PLCG2: variants seen among roughly 807,000 people sequenced by gnomAD.
PLCG2 encodes the protein phospholipase C gamma 2, also known as 1-phosphatidylinositol 4,5-bisphosphate phosphodiesterase gamma-2.
PLCG2 carries 69 observed loss-of-function variants against 175.6 expected under a neutral mutation model. The ratio of observed to expected loss-of-function variants is 0.39; its 90% CI spans 0.32 to 0.48. The LOEUF (loss-of-function observed/expected upper bound fraction) is 0.48, where lower values mean the gene tolerates loss of function less well. Ranked by LOEUF, PLCG2 falls within the 20% of genes least tolerant of loss-of-function variation. The pLI, the probability that PLCG2 is intolerant of heterozygous loss-of-function variation, is 0.91. For missense variants in PLCG2, 1,798 were observed against 1,650.9 expected (o/e 1.09, Z -1.54); for synonymous variants, 827 against 624.0 (o/e 1.33, Z -4.85).
At chr16:81,945,159 A>C (rs999253393) in intron 30 of PLCG2, among the ~76,000 whole-genome samples, 2 of 152,236 alleles carry the variant, frequency 1.3e-5, no homozygotes, top group African/African-American at 4.8e-5. Flanking sequence ...AAAGTGAGAG[A>C]TTCAGTGGAT....
At chr16:81,859,596 A>G (rs79351249) in intron 5 of PLCG2, among the ~76,000 whole-genome samples, 20,997 of 151,142 alleles carry the variant, frequency 0.14, 1,680 homozygotes, top group Middle Eastern at 0.2. Flanking sequence ...GTGCAGTGGC[A>G]TGATCTCAGC....
chr16:81,893,807 T>C lies in PLCG2; in HGVS notation c.1072+13T>C, dbSNP rs1363309452. The stretch of plus-strand genomic sequence containing the variant: ...CGCTGCATTGAACGTGAGTAGCTCC[T>C]TCTTGGTGGAGGTCAGGCTCGCAGC... On this transcript the variant is annotated intron_variant, in intron 12 of 32. Coordinates refer to ENST00000564138, the MANE Select transcript of PLCG2 (RefSeq NM_002661.5). 3.8e-6 allele frequency: 6 copies of C among 1,573,240 alleles called. No individual in the cohort carries two copies. The highest frequency in any genetic ancestry group is 3.3e-4 in the Middle Eastern group (2 of 5,988).
At chr16:81,766,467 CTCCTCCTCCTCCTCT>C (rs1379591201) in intron 2 of PLCG2, among the ~76,000 whole-genome samples, 1 of 112 alleles carries the variant, frequency 8.9e-3, no homozygotes, top group South Asian at 0.5. Flanking sequence ...TAGCCAGCGC[CTCCTCCTCCTCCTCT>C]TCCTCCTCCT....
At position 81,928,467 on chromosome 16, in the gene PLCG2, G is replaced by GT. The variant is rs571854806; in HGVS notation, c.2515-90dup. 5.7e-4 allele frequency: 467 copies of GT among 816,956 alleles called. 5 individuals carry two copies. The South Asian group carries it at 6.1e-3, about 11-fold the overall frequency. 50.6% of individuals were successfully genotyped at this position (816,956 alleles called of 1,614,324 possible). On this transcript the variant is annotated intron_variant, in intron 23 of 32. Coordinates refer to ENST00000564138, the MANE Select transcript of PLCG2 (RefSeq NM_002661.5). ...TGCATTTTAAACAGTTCCACAGGCA[G>GT]TATCTCTGCTAAACGGTGTGCTTTG...
In PLCG2 at chr16:81,874,003, C is replaced by G. The variant is rs528427024; in HGVS notation, c.648+3068C>G. The stretch of plus-strand genomic sequence containing the variant: ...AAATGTCAGAACCCTCTGGGGTGCC[C>G]TAGATTGCCCCGTGTGGAACTTTGT... On this transcript the variant is annotated intron_variant, in intron 7 of 32. Coordinates refer to ENST00000564138, the MANE Select transcript of PLCG2 (RefSeq NM_002661.5). 3.9e-5 allele frequency among the ~76,000 whole-genome samples: 6 copies of G among 152,240 alleles called. No homozygotes were observed. The South Asian group carries it at 1.2e-3, about 32-fold the overall frequency.
At chr16:81,848,490 T>C (rs1165407889) in intron 2 of PLCG2, among the ~76,000 whole-genome samples, 1 of 152,174 alleles carries the variant, frequency 6.6e-6, no homozygotes. Flanking sequence ...TCTCTGCCTT[T>C]GTACATGTGC....
chr16:81,854,324 TTTGCGGGA>T, intron 2 of PLCG2, 112 bp from the exon 3 acceptor site: 1 of 873,746 alleles, frequency 1.1e-6, no homozygotes, highest in Non-Finnish European at 1.9e-6. Flanking sequence ...CAGAGATAGC[TTTGCGGGA>T]TCCTGTTGGG....
chr16:81,882,965 A>G (rs542153059), intron 8 of PLCG2, among the ~76,000 whole-genome samples: 4 of 149,222 alleles, frequency 2.7e-5, no homozygotes, highest in East Asian at 2.1e-4. Flanking sequence ...TGTCTTCCCC[A>G]TGGCCACACT....
chr16:81,927,307 A>G, intron 23 of PLCG2, 129 bp downstream of exon 23: 1 of 675,174 alleles, frequency 1.5e-6, no homozygotes, highest in Non-Finnish European at 2.6e-6. Context: ...GCTCTGGATC[A>G]GGGAAGACAC....
chr16:81,853,666 C>G (rs1458408373), intron 2 of PLCG2, among the ~76,000 whole-genome samples: 1 of 152,144 alleles, frequency 6.6e-6, no homozygotes, highest in Non-Finnish European at 1.5e-5. Flanking sequence ...CTTGCCGGTA[C>G]CAGTCCATGG....
chr16:81,900,265 T>C (rs1461716050), intron 13 of PLCG2, among the ~76,000 whole-genome samples: 1 of 152,204 alleles, frequency 6.6e-6, no homozygotes, highest in African/African-American at 2.4e-5. Context: ...TGGGTGCTTA[T>C]TGTGCTGTCT....
At chr16:81,741,987 C>T (rs954328277) in intron 1 of PLCG2, among the ~76,000 whole-genome samples, 1 of 152,284 alleles carries the variant, frequency 6.6e-6, no homozygotes, top group South Asian at 2.1e-4. Context: ...GTTCCTCCTA[C>T]CTAGCTGAAA....
At chr16:81,762,976 A>G (rs1226076226) in intron 2 of PLCG2, among the ~76,000 whole-genome samples, 1 of 152,092 alleles carries the variant, frequency 6.6e-6, no homozygotes, top group African/African-American at 2.4e-5. Flanking sequence ...AGGATCCCTT[A>G]AGCCCAGGAG....
At chr16:81,823,565 G>A (rs963309595) in intron 2 of PLCG2, among the ~76,000 whole-genome samples, 6 of 152,192 alleles carry the variant, frequency 3.9e-5, no homozygotes, top group Non-Finnish European at 5.9e-5. Flanking sequence ...TGGCTCTGTC[G>A]CCCAGGCTGG....
chr16:81,831,002 C>T (rs917074206), intron 2 of PLCG2, among the ~76,000 whole-genome samples: 1 of 152,132 alleles, frequency 6.6e-6, no homozygotes, highest in Non-Finnish European at 1.5e-5. Context: ...TACACATTTC[C>T]ATCTTGGGGC....
intron 1 of PLCG2, among the ~76,000 whole-genome samples, chr16:81,742,062 T>C (rs112016509): frequency 0.018 from 2,616 of 147,010 alleles, 33 homozygotes; most frequent in Middle Eastern, 0.044. Context: ...GCCTCCAGTA[T>C]TCAAAATTCT....
intron 13 of PLCG2, among the ~76,000 whole-genome samples, chr16:81,896,393 C>G (rs1908889468): frequency 7.0e-6 from 1 of 143,062 alleles, no homozygotes; most frequent in Non-Finnish European, 1.6e-5. Flanking sequence ...CACACACACA[C>G]ACACACACAC....
chr16:81,868,946 G>C (rs1225327719), intron 5 of PLCG2, among the ~76,000 whole-genome samples: 2 of 152,148 alleles, frequency 1.3e-5, no homozygotes, highest in East Asian at 3.9e-4. Flanking sequence ...ATACCTGAAG[G>C]GTGGAGACCA....
intron 2 of PLCG2, among the ~76,000 whole-genome samples, chr16:81,794,468 T>A (rs187543240): frequency 4.9e-4 from 74 of 152,294 alleles, no homozygotes; most frequent in Non-Finnish European, 8.4e-4. Flanking sequence ...AACCAATGCC[T>A]GAAGTGTCCA....
Sources: allele counts gnomAD v4.1 joint callset (sites outside exome capture counted in the v4.1 genomes callset), GRCh38; gene constraint gnomAD v4.1.1; transcripts MANE v1.5; gene names NCBI Gene and HGNC (gene_info 2026-07-23, HGNC 2026-07-21).